Variants in PHACTR3 observed in about 807,000 individuals in gnomAD.
The protein encoded by PHACTR3 is phosphatase and actin regulator 3.
A neutral mutation model predicts 66.8 loss-of-function variants in PHACTR3; 16 were observed. That is an observed-to-expected ratio of 0.24 (90% CI 0.16 to 0.36). The LOEUF is 0.36. Among genes scored for constraint, PHACTR3 ranks in the 10% least tolerant of loss-of-function variants. The probability of loss-of-function intolerance (pLI) is 1.00; values close to 1 mark genes in which losing one functional copy is unlikely to be tolerated. For synonymous variants in PHACTR3, 323 were observed against 292.1 expected (o/e 1.11, Z -1.08); for missense variants, 647 against 719.9 (o/e 0.90, Z 1.16).
chr20:59,609,856 A>C (rs2033795828), intron 1 of PHACTR3, among the ~76,000 whole-genome samples: 1 of 152,242 alleles, frequency 6.6e-6, no homozygotes, highest in African/African-American at 2.4e-5. Flanking sequence ...GGGTTATTAA[A>C]AACATAAAAG....
intron 8 of PHACTR3, among the ~76,000 whole-genome samples, chr20:59,808,976 C>T (rs577776984): frequency 4.6e-5 from 7 of 152,262 alleles, no homozygotes; most frequent in South Asian, 2.1e-4. Flanking sequence ...TCCCAGACAC[C>T]GCCCAACGTC....
At chr20:59,582,351 G>C (rs2032887864) in intron 1 of PHACTR3, among the ~76,000 whole-genome samples, 2 of 152,210 alleles carry the variant, frequency 1.3e-5, no homozygotes, top group South Asian at 4.1e-4. Context: ...TGCTACCGAT[G>C]GCCATGGAGG....
chr20:59,846,373 C>T (rs746110538), intron 12 of PHACTR3, among the ~76,000 whole-genome samples: 3 of 152,004 alleles, frequency 2.0e-5, no homozygotes, highest in Admixed American at 6.6e-5. Flanking sequence ...AAAAATTATG[C>T]AAAGAGTTTG....
chr20:59,585,752 C>T (rs1236778747), intron 1 of PHACTR3, among the ~76,000 whole-genome samples: 4 of 152,186 alleles, frequency 2.6e-5, no homozygotes, highest in East Asian at 1.9e-4. Context: ...TCCTCACCCG[C>T]GTGCAGAGGC....
intron 5 of PHACTR3, among the ~76,000 whole-genome samples, 192 bp downstream of exon 5, chr20:59,767,587 G>T (rs933568785): frequency 3.3e-5 from 5 of 152,156 alleles, no homozygotes; most frequent in African/African-American, 1.2e-4. Context: ...TCTGTGACTG[G>T]GGCTCAGGGC....
At position 59,695,734 on chromosome 20, in the gene PHACTR3, A is replaced by ATTT. The variant is rs11480385; in HGVS notation, c.119-47363_119-47361dup. Among the ~76,000 whole-genome samples, 912 of 147,196 alleles carry ATTT rather than the reference A, an allele frequency of 6.2e-3. 19 individuals are homozygous for ATTT. Among genetic ancestry groups the ATTT allele is most frequent in the African/African-American group, 0.021 (863 of 40,308 alleles). On this transcript the variant is annotated intron_variant, in intron 1 of 12. Coordinates refer to ENST00000371015, the MANE Select transcript of PHACTR3 (RefSeq NM_080672.5). ...AGTATCTCTCTCCTAGAAGTTGTCT[A>ATTT]TTTTTTTTTTTTATTTGAGATGGAG...
At chr20:59,783,208 G>A (rs113194414) in intron 7 of PHACTR3, among the ~76,000 whole-genome samples, 68 of 152,262 alleles carry the variant, frequency 4.5e-4, no homozygotes, top group African/African-American at 1.6e-3. Context: ...AAAGGCTGTG[G>A]AAACCCAGCC....
intron 1 of PHACTR3, among the ~76,000 whole-genome samples, chr20:59,734,018 C>T (rs2038858396): frequency 6.6e-6 from 1 of 151,940 alleles, no homozygotes; most frequent in African/African-American, 2.4e-5. Context: ...GGTCTTCTCA[C>T]AAGGCTGAAC....
intron 4 of PHACTR3, among the ~76,000 whole-genome samples, chr20:59,765,594 T>G (rs1273456443): frequency 6.6e-6 from 1 of 152,218 alleles, no homozygotes; most frequent in Admixed American, 6.5e-5. Flanking sequence ...AGTTTAAAAC[T>G]TCCAACATAG....
chr20:59,705,244 C>T (rs1601147110), intron 1 of PHACTR3, among the ~76,000 whole-genome samples: 1 of 152,160 alleles, frequency 6.6e-6, no homozygotes, highest in East Asian at 1.9e-4. Flanking sequence ...AGGCATGAGC[C>T]ACCACTCCTG....
chr20:59,657,055 G>C (rs909651106), intron 1 of PHACTR3, among the ~76,000 whole-genome samples: 3 of 151,942 alleles, frequency 2.0e-5, no homozygotes, highest in Non-Finnish European at 2.9e-5. Flanking sequence ...AGAAAATAAA[G>C]AGCAAGTGCT....
intron 1 of PHACTR3, among the ~76,000 whole-genome samples, chr20:59,722,058 A>T (rs564644614): frequency 6.6e-6 from 1 of 152,022 alleles, no homozygotes; most frequent in African/African-American, 2.4e-5. Flanking sequence ...GTGAAACCCC[A>T]TATCTACTAA....
chr20:59,807,528 T>C (rs956135999), intron 8 of PHACTR3, among the ~76,000 whole-genome samples: 1 of 152,200 alleles, frequency 6.6e-6, no homozygotes, highest in Admixed American at 6.5e-5. Context: ...GAGTACACTC[T>C]AAAATAATCA....
chr20:59,753,679 G>A (rs1051243856), intron 3 of PHACTR3, among the ~76,000 whole-genome samples: 1 of 152,232 alleles, frequency 6.6e-6, no homozygotes, highest in Non-Finnish European at 1.5e-5. Flanking sequence ...TTGCCATGAA[G>A]CAAGCAGAAA....
At chr20:59,662,514 G>T (rs1333919839) in intron 1 of PHACTR3, among the ~76,000 whole-genome samples, 2 of 152,158 alleles carry the variant, frequency 1.3e-5, no homozygotes, top group Admixed American at 6.5e-5. Flanking sequence ...GGGGAAGGGG[G>T]AAGCATGCAC....
chr20:59,825,761 G>A (rs1220750377), intron 8 of PHACTR3, among the ~76,000 whole-genome samples: 1 of 152,154 alleles, frequency 6.6e-6, no homozygotes, highest in Non-Finnish European at 1.5e-5. Flanking sequence ...CAGAGGCGCT[G>A]GGTGGGAATC....
At chr20:59,674,708 C>G (rs989090217) in intron 1 of PHACTR3, among the ~76,000 whole-genome samples, 1 of 36,848 alleles carries the variant, frequency 2.7e-5, no homozygotes, top group Admixed American at 3.2e-4. Flanking sequence ...TTCTCCTGTC[C>G]CCCCTTCTCC....
At chr20:59,804,970 A>G (rs1284147335) in intron 7 of PHACTR3, among the ~76,000 whole-genome samples, 1 of 152,178 alleles carries the variant, frequency 6.6e-6, no homozygotes, top group African/African-American at 2.4e-5. Flanking sequence ...CAGGAATTAA[A>G]TCCCGGCCCA....
chr20:59,582,238 G>T (rs76797967), intron 1 of PHACTR3, among the ~76,000 whole-genome samples: 2,185 of 152,286 alleles, frequency 0.014, 58 homozygotes, highest in East Asian at 0.073. Flanking sequence ...AGCACTTCTC[G>T]CTGTGAAGCT....
Sources: allele counts gnomAD v4.1 joint callset (sites outside exome capture counted in the v4.1 genomes callset), GRCh38; gene constraint gnomAD v4.1.1; transcripts MANE v1.5; gene names NCBI Gene and HGNC (gene_info 2026-07-23, HGNC 2026-07-21).